The following PLPP4 variants were observed in gnomAD, a reference collection of about 807,000 sequenced individuals.
The protein encoded by PLPP4 is diacylglycerol pyrophosphate like 2.
Under a neutral mutation model 32.2 loss-of-function variants are expected in PLPP4, and 20 were observed. The ratio of observed to expected loss-of-function variants is 0.62; its 90% CI spans 0.44 to 0.90. The LOEUF is 0.90. Among genes scored for constraint, PLPP4 ranks in the 40% least tolerant of loss-of-function variants. The probability of loss-of-function intolerance (pLI) is 0.00; values close to 1 mark genes in which losing one functional copy is unlikely to be tolerated. For missense variants in PLPP4, 257 were observed against 353.1 expected (o/e 0.73, Z 2.18); for synonymous variants, 127 against 133.0 (o/e 0.95, Z 0.31).
chr10:120,547,093 C>CT (rs879634023), intron 5 of PLPP4, among the ~76,000 whole-genome samples: 9 of 150,122 alleles, frequency 6.0e-5, no homozygotes, highest in South Asian at 2.1e-4. Flanking sequence ...AAATAGTTGT[C>CT]TTTTTTTTTA....
intron 6 of PLPP4, among the ~76,000 whole-genome samples, chr10:120,584,801 A>G (rs1334161098): frequency 6.6e-6 from 1 of 152,210 alleles, no homozygotes; most frequent in Non-Finnish European, 1.5e-5. Context: ...TTTGCTGAGA[A>G]GCAGCTTGGA....
chr10:120,516,608 A>G (rs1313949014), intron 3 of PLPP4, among the ~76,000 whole-genome samples: 1 of 152,222 alleles, frequency 6.6e-6, no homozygotes, highest in Non-Finnish European at 1.5e-5. Flanking sequence ...CTCACGGGAC[A>G]TGTTGCTTTG....
At chr10:120,529,936 A>G (rs1846623095) in intron 5 of PLPP4, among the ~76,000 whole-genome samples, 1 of 152,200 alleles carries the variant, frequency 6.6e-6, no homozygotes, top group Non-Finnish European at 1.5e-5. Flanking sequence ...TGGGCAACAG[A>G]CCAAGACCTG....
At chr10:120,484,306 A>G (rs1844342924) in intron 1 of PLPP4, among the ~76,000 whole-genome samples, 1 of 152,234 alleles carries the variant, frequency 6.6e-6, no homozygotes, top group African/African-American at 2.4e-5. Context: ...TGGTCAGTGT[A>G]TGGCTGTCTT....
chr10:120,521,256 A>G (rs1228639138), intron 5 of PLPP4, among the ~76,000 whole-genome samples, 161 bp downstream of exon 5: 1 of 152,208 alleles, frequency 6.6e-6, no homozygotes, highest in African/African-American at 2.4e-5. Context: ...ATTATTCAAC[A>G]GGAAGTAATA....
At chr10:120,457,628 C>A (rs1482779606) in intron 1 of PLPP4, among the ~76,000 whole-genome samples, 1 of 152,178 alleles carries the variant, frequency 6.6e-6, no homozygotes, top group Non-Finnish European at 1.5e-5. Flanking sequence ...CTGTCGCCAG[C>A]CCCGCACCAC....
Position 120,465,175 on chromosome 10 carries a change from G to A in PLPP4, c.56+7814G>A, listed in dbSNP as rs1848254055. Reference sequence around the variant, plus strand: ...ATAGAAACATTATCTTGGTAATAGTGCTTCTTTAAAAAATATTATCTTGCT... The same window carrying A: ...ATAGAAACATTATCTTGGTAATAGTACTTCTTTAAAAAATATTATCTTGCT... On this transcript the variant is annotated intron_variant, in intron 1 of 6. Coordinates refer to ENST00000398250, the MANE Select transcript of PLPP4 (RefSeq NM_001030059.3). 1.3e-5 allele frequency among the ~76,000 whole-genome samples: 2 copies of A among 152,156 alleles called. 1 individual carries two copies. Among genetic ancestry groups the A allele is most frequent in the South Asian group, 4.1e-4 (2 of 4,826 alleles).
intron 6 of PLPP4, chr10:120,581,373 C>G (rs141126377): frequency 2.2e-6 from 2 of 893,156 alleles, no homozygotes; most frequent in South Asian, 1.0e-4. Flanking sequence ...ATTGCAGAAG[C>G]CTCTCAGCCT....
chr10:120,504,024 G>A (rs1845387001), intron 2 of PLPP4, 98 bp downstream of exon 2: 3 of 815,052 alleles, frequency 3.7e-6, no homozygotes, highest in South Asian at 1.6e-5. Context: ...ACAGTGGGTG[G>A]CCTGAGAGAA....
chr10:120,571,525 G>A (rs1297514704), intron 5 of PLPP4, among the ~76,000 whole-genome samples: 1 of 152,096 alleles, frequency 6.6e-6, no homozygotes, highest in African/African-American at 2.4e-5. Flanking sequence ...AAGTCCTATG[G>A]CTAGAGTCAG....
chr10:120,552,112 T>C (rs1243788003), intron 5 of PLPP4, among the ~76,000 whole-genome samples: 1 of 151,750 alleles, frequency 6.6e-6, no homozygotes, highest in South Asian at 2.1e-4. Flanking sequence ...AATGCTCAAT[T>C]CTGTTGCCCC....
At chr10:120,581,265 T>C in intron 6 of PLPP4, 1 of 985,412 alleles carries the variant, frequency 1.0e-6, no homozygotes, top group Non-Finnish European at 1.2e-6. Flanking sequence ...CTTCTCAGCT[T>C]TCTGTGGTGT....
chr10:120,530,522 A>G (rs1846654811), intron 5 of PLPP4, among the ~76,000 whole-genome samples: 2 of 152,178 alleles, frequency 1.3e-5, no homozygotes, highest in Admixed American at 6.5e-5. Context: ...ATTTCACTAT[A>G]ATGAGTATCA....
At chr10:120,589,123 C>T (rs781695994) in intron 6 of PLPP4, among the ~76,000 whole-genome samples, 180 bp from the exon 7 acceptor site, 8 of 152,160 alleles carry the variant, frequency 5.3e-5, no homozygotes, top group Non-Finnish European at 1.0e-4. Context: ...TATTTCAGTA[C>T]CAGAAATGCT....
chr10:120,481,621 A>G (rs533873910), intron 1 of PLPP4, among the ~76,000 whole-genome samples: 2 of 152,310 alleles, frequency 1.3e-5, no homozygotes, highest in South Asian at 4.1e-4. Flanking sequence ...CCTCCCTGAA[A>G]GGTGTCTGGT....
chr10:120,507,867 T>C (rs1255697704), intron 2 of PLPP4, among the ~76,000 whole-genome samples: 2 of 152,188 alleles, frequency 1.3e-5, no homozygotes, highest in Admixed American at 6.5e-5. Flanking sequence ...GAATAAGATA[T>C]GGTTTCTAGT....
intron 1 of PLPP4, among the ~76,000 whole-genome samples, chr10:120,477,770 A>G (rs552202751): frequency 6.6e-6 from 1 of 152,330 alleles, no homozygotes; most frequent in South Asian, 2.1e-4. Context: ...CCTGGCACAT[A>G]GTAGATACTC....
chr10:120,575,529 G>A (rs1347583279), intron 6 of PLPP4, among the ~76,000 whole-genome samples: 1 of 152,196 alleles, frequency 6.6e-6, no homozygotes, highest in Non-Finnish European at 1.5e-5. Flanking sequence ...CATGCTCCAG[G>A]AGACTGCTTG....
chr10:120,559,548 GTA>G (rs1181179190), intron 5 of PLPP4, among the ~76,000 whole-genome samples: 1 of 151,904 alleles, frequency 6.6e-6, no homozygotes, highest in Non-Finnish European at 1.5e-5. Flanking sequence ...TTTCATACCT[GTA>G]TGTGTATGTA....
Sources: gnomAD v4.1 joint callset for allele counts (sites outside exome capture counted in the v4.1 genomes callset) on GRCh38, gnomAD v4.1.1 for gene constraint, MANE v1.5 for transcripts, NCBI Gene and HGNC (gene_info 2026-07-23, HGNC 2026-07-21) for gene names.